Variants in SV2B observed in about 807,000 individuals in gnomAD.
SV2B encodes the protein solute carrier family 22 member B2.
Under a neutral mutation model 73.9 loss-of-function variants are expected in SV2B, and 41 were observed. The ratio of observed to expected loss-of-function variants is 0.56; its 90% CI spans 0.43 to 0.72. SV2B has a LOEUF of 0.72. SV2B is among the 30% of genes least tolerant of loss of function. The pLI, the probability that SV2B is intolerant of heterozygous loss-of-function variation, is 0.00. For synonymous variants in SV2B, 314 were observed against 314.2 expected (o/e 1.00, Z 0.01); for missense variants, 764 against 857.8 (o/e 0.89, Z 1.37).
chr15:91,210,041 G>A (rs1435787723), intron 1 of SV2B, among the ~76,000 whole-genome samples: 1 of 152,148 alleles, frequency 6.6e-6, no homozygotes, highest in African/African-American at 2.4e-5. Context: ...ATCTGTTGGA[G>A]TGGGGCTTGT....
At chr15:91,150,351 T>G (rs561833935) in intron 1 of SV2B, among the ~76,000 whole-genome samples, 1 of 152,210 alleles carries the variant, frequency 6.6e-6, no homozygotes, top group African/African-American at 2.4e-5. Flanking sequence ...TATACAGCTG[T>G]TGGTAGGGTT....
chr15:91,251,504 T>C (rs1331863012), intron 2 of SV2B, among the ~76,000 whole-genome samples: 1 of 152,238 alleles, frequency 6.6e-6, no homozygotes, highest in African/African-American at 2.4e-5. Context: ...ACAAAGACTT[T>C]CCTTGCTTAA....
intron 1 of SV2B, among the ~76,000 whole-genome samples, chr15:91,191,063 C>CTTTTTTTTTTTTTTGTTTT (rs2044997893): frequency 1.6e-5 from 1 of 64,238 alleles, no homozygotes; most frequent in Non-Finnish European, 3.1e-5. Flanking sequence ...TTTGGTGTTT[C>CTTTTTTTTTTTTTTGTTTT]TTTTTTTTTT....
chr15:91,272,189 G>A (rs2048338817), intron 9 of SV2B, among the ~76,000 whole-genome samples: 1 of 152,140 alleles, frequency 6.6e-6, no homozygotes, highest in Non-Finnish European at 1.5e-5. Context: ...TTCAAAACCT[G>A]TGAGTTTTTG....
At chr15:91,179,980 C>T (rs993576242) in intron 1 of SV2B, among the ~76,000 whole-genome samples, 10 of 151,002 alleles carry the variant, frequency 6.6e-5, no homozygotes, top group Non-Finnish European at 1.0e-4. Flanking sequence ...GCAGTTTCTT[C>T]CTAGTCTCGA....
In SV2B at chr15:91,292,586, C is replaced by G. The variant is rs561776695; in HGVS notation, c.*34C>G. The G allele has an allele frequency of 1.9e-6, 3 of 1,597,144 alleles. No individual in the cohort carries two copies. In the African/African-American group the frequency reaches 4.0e-5, roughly 21 times the overall value. On this transcript the variant is annotated 3_prime_UTR_variant, in exon 13 of 13. Coordinates refer to ENST00000394232, the MANE Select transcript of SV2B (RefSeq NM_001323032.3). ...TGGGAAAAGGAAAGGTCGAGAGAAT[C>G]TTGTCCAGGACACTGAAATGCATCC... is the stretch of plus-strand genomic sequence containing the variant.
intron 1 of SV2B, among the ~76,000 whole-genome samples, chr15:91,149,431 G>T (rs1007961505): frequency 1.3e-5 from 2 of 152,202 alleles, no homozygotes; most frequent in Non-Finnish European, 2.9e-5. Flanking sequence ...TTGATTCTAA[G>T]TCTCAGATGT....
At chr15:91,189,656 G>A (rs2044923845) in intron 1 of SV2B, among the ~76,000 whole-genome samples, 1 of 152,174 alleles carries the variant, frequency 6.6e-6, no homozygotes, top group South Asian at 2.1e-4. Context: ...CTTTGAAAGA[G>A]TTTTAGATTT....
intron 1 of SV2B, among the ~76,000 whole-genome samples, chr15:91,148,164 A>G (rs1277702125): frequency 6.6e-6 from 1 of 151,408 alleles, no homozygotes; most frequent in Non-Finnish European, 1.5e-5. Context: ...TATTTTTAGT[A>G]GAGACGGGGT....
intron 1 of SV2B, among the ~76,000 whole-genome samples, chr15:91,198,390 C>T (rs16945324): frequency 0.034 from 5,216 of 151,478 alleles, 283 homozygotes; most frequent in African/African-American, 0.12. Context: ...CGGCACTGAA[C>T]GGATTTTTCT....
At chr15:91,248,321 A>C (rs943511635) in intron 2 of SV2B, among the ~76,000 whole-genome samples, 14 of 152,206 alleles carry the variant, frequency 9.2e-5, no homozygotes, top group African/African-American at 3.1e-4. Context: ...TAAAAAACAA[A>C]AAACAAACAA....
rs756494343 is a variant in SV2B at position 91,252,029 on chromosome 15, A to G, written c.632+30A>G. On this transcript the variant is annotated intron_variant, in intron 3 of 12. Transcript: ENST00000394232. This position sits in a 1 kb window ranked among gnomAD's most constrained non-coding sequence, Gnocchi z 4.6. ...GTTCTTAGGGAGGTGGAGCTGGACC[A>G]TCCCAGACCAATGGCCCATCCATTC... The G allele has an allele frequency of 6.2e-7, 1 of 1,608,480 alleles. No individual in the cohort carries two copies. Among genetic ancestry groups the G allele is most frequent in the South Asian group, 1.1e-5 (1 of 90,386 alleles).
chr15:91,250,754 A>G (rs2141607802), intron 2 of SV2B, among the ~76,000 whole-genome samples: 2 of 152,326 alleles, frequency 1.3e-5, no homozygotes, highest in East Asian at 3.9e-4. Flanking sequence ...TAATCAAAGA[A>G]ATGAAAGGTC....
chr15:91,292,269 T>A, intron 12 of SV2B, 100 bp from the exon 13 acceptor site: 1 of 1,245,260 alleles, frequency 8.0e-7, no homozygotes, highest in Non-Finnish European at 1.1e-6. Context: ...AAAAACTCCC[T>A]TGCACCCTCT....
At chr15:91,178,470 C>T (rs1272317268) in intron 1 of SV2B, among the ~76,000 whole-genome samples, 1 of 152,058 alleles carries the variant, frequency 6.6e-6, no homozygotes, top group Non-Finnish European at 1.5e-5. Context: ...AGGAATGGTA[C>T]CAGTTCCTCC....
rs536178558 is a variant in SV2B, at chr15:91,238,989, C to T, written c.451+12275C>T. Among the ~76,000 whole-genome samples, 3 of 151,494 alleles carry T rather than the reference C, an allele frequency of 2.0e-5. No homozygotes were observed. In the East Asian group the frequency reaches 6.0e-4, roughly 30 times the overall value. On this transcript the variant is annotated intron_variant, in intron 2 of 12. Coordinates refer to ENST00000394232, the MANE Select transcript of SV2B (RefSeq NM_001323032.3). ...TCCTCTTTATTTTGTAAATCTTAACCAGCACTAGCTCAGATGAACTGATTT... is the reference window on the plus strand; with the variant it reads ...TCCTCTTTATTTTGTAAATCTTAACTAGCACTAGCTCAGATGAACTGATTT...
rs148108700 is a variant in SV2B, at chr15:91,281,817, A to G, written c.1463A>G (p.Tyr488Cys). 118 of 1,613,226 alleles carry G rather than the reference A, an allele frequency of 7.3e-5. No individual in the cohort carries two copies. In the African/African-American group the frequency reaches 1.4e-3, roughly 19 times the overall value. The change falls in exon 10 of 13, where the codon TAC becomes TGC. Residue 488 changes from tyrosine to cysteine, a missense_variant. Tyr to Cys is a radical substitution (Grantham distance 194, BLOSUM62 -2). Coordinates refer to ENST00000394232, the MANE Select transcript of SV2B (RefSeq NM_001323032.3). The surrounding 1 kb of genome is among the most constrained non-coding windows in gnomAD (Gnocchi z 4.7). ...YFEDVTSTDT[Y>C]FKNCTIESTI... ...GAAGACGTAACATCAACAGATACCT[A>G]CTTCAAAAATTGTACCATTGAATCA...
intron 1 of SV2B, among the ~76,000 whole-genome samples, chr15:91,183,036 G>T (rs2044641198): frequency 6.6e-6 from 1 of 152,216 alleles, no homozygotes; most frequent in Non-Finnish European, 1.5e-5. Context: ...TGCTCATGGA[G>T]TGCGTATTCT....
At chr15:91,247,534 T>G (rs2047284671) in intron 2 of SV2B, among the ~76,000 whole-genome samples, 1 of 152,194 alleles carries the variant, frequency 6.6e-6, no homozygotes, top group Non-Finnish European at 1.5e-5. Context: ...GAGATTGGAA[T>G]GATTATAACT....
Sources: gnomAD v4.1 joint callset for allele counts (sites outside exome capture counted in the v4.1 genomes callset) on GRCh38, gnomAD v4.1.1 for gene constraint, Gnocchi (gnomAD v3.1) non-coding constraint, MANE v1.5 for transcripts, NCBI Gene and HGNC (gene_info 2026-07-23, HGNC 2026-07-21) for gene names.